Variants in SLC5A4 observed in about 807,000 individuals in gnomAD.
SLC5A4 encodes probable glucose sensor protein SLC5A4.
SLC5A4 carries 55 observed loss-of-function variants against 70.3 expected under a neutral mutation model. The observed-to-expected ratio is 0.78, with a 90% confidence interval of 0.63 to 0.98. The LOEUF (loss-of-function observed/expected upper bound fraction) is 0.98, where lower values mean the gene tolerates loss of function less well. SLC5A4 is among the 50% of genes least tolerant of loss of function. The probability of loss-of-function intolerance (pLI) is 0.00; values close to 1 mark genes in which losing one functional copy is unlikely to be tolerated. For synonymous variants in SLC5A4, 268 were observed against 305.7 expected (o/e 0.88, Z 1.29); for missense variants, 735 against 839.2 (o/e 0.88, Z 1.53).
chr22:32,326,171 G>A, the SLC5A4 span, among the ~76,000 whole-genome samples: 3 of 152,230 alleles, frequency 2.0e-5, no homozygotes, highest in Non-Finnish European at 4.4e-5. Context: ...CCTCATTCCA[G>A]GTGAACTGGA....
chr22:32,350,589 C>T, the SLC5A4 span, among the ~76,000 whole-genome samples: 1 of 152,076 alleles, frequency 6.6e-6, no homozygotes, highest in Non-Finnish European at 1.5e-5. Context: ...CAAATGACTA[C>T]ATGAGGTTAA....
chr22:32,282,717 C>T, the SLC5A4 span, among the ~76,000 whole-genome samples: 2 of 152,224 alleles, frequency 1.3e-5, no homozygotes, highest in African/African-American at 4.8e-5. Context: ...CTGAACTCCT[C>T]ATCTCCTCCC....
the SLC5A4 span, among the ~76,000 whole-genome samples, chr22:32,354,576 G>A: frequency 1.0e-3 from 154 of 151,976 alleles, 1 homozygote; most frequent in East Asian, 4.9e-3. Flanking sequence ...CACGGCCACT[G>A]CATCCCCAGA....
upstream of SLC5A4, among the ~76,000 whole-genome samples, chr22:32,260,126 G>T (rs1218742066): frequency 1.3e-5 from 2 of 152,172 alleles, no homozygotes; most frequent in Non-Finnish European, 2.9e-5. Context: ...TGGGAGAGGG[G>T]TCCCCCTATA....
chr22:32,331,884 T>C, the SLC5A4 span, among the ~76,000 whole-genome samples: 1 of 152,160 alleles, frequency 6.6e-6, no homozygotes, highest in South Asian at 2.1e-4. Context: ...CCCATTGCAG[T>C]GGTCTCTCGG....
the SLC5A4 span, among the ~76,000 whole-genome samples, chr22:32,327,929 A>G: frequency 1.3e-5 from 2 of 152,154 alleles, no homozygotes; most frequent in Non-Finnish European, 2.9e-5. Context: ...GTGGCCCAAG[A>G]TGTTTAACCA....
the SLC5A4 span, among the ~76,000 whole-genome samples, chr22:32,354,173 T>C: frequency 1.4e-5 from 2 of 139,938 alleles, no homozygotes; most frequent in Admixed American, 7.3e-5. Flanking sequence ...CGTCCCTCAA[T>C]AGCGCCCCCA....
chr22:32,300,494 G>A, the SLC5A4 span, among the ~76,000 whole-genome samples: 1 of 152,070 alleles, frequency 6.6e-6, no homozygotes, highest in Non-Finnish European at 1.5e-5. Flanking sequence ...TCCCAAGTGA[G>A]GCAATGCCTC....
the SLC5A4 span, among the ~76,000 whole-genome samples, chr22:32,308,459 G>T: frequency 6.8e-6 from 1 of 148,086 alleles, no homozygotes; most frequent in African/African-American, 2.5e-5. Flanking sequence ...AGCGGCCTGT[G>T]GGGGAGTCAG....
the SLC5A4 span, among the ~76,000 whole-genome samples, chr22:32,282,471 A>G: frequency 6.6e-6 from 1 of 151,676 alleles, no homozygotes; most frequent in Non-Finnish European, 1.5e-5. Context: ...CTTTTTTGTG[A>G]ACTTGACCTT....
chr22:32,219,650 A>G (rs1011856788), intron 14 of SLC5A4, among the ~76,000 whole-genome samples: 2 of 149,100 alleles, frequency 1.3e-5, no homozygotes, highest in Non-Finnish European at 3.0e-5. Flanking sequence ...AAAAAAAAAA[A>G]AAGAATAAAC....
At chr22:32,223,961 C>T (rs1233487236) in intron 13 of SLC5A4, among the ~76,000 whole-genome samples, 2 of 151,986 alleles carry the variant, frequency 1.3e-5, no homozygotes, top group African/African-American at 4.8e-5. Flanking sequence ...CGCTCTGTCA[C>T]CCAGGTTGGA....
At chr22:32,350,279 G>A in the SLC5A4 span, among the ~76,000 whole-genome samples, 2 of 152,122 alleles carry the variant, frequency 1.3e-5, no homozygotes, top group Admixed American at 6.5e-5. Context: ...ATGGATACGC[G>A]GAAGTGCCAC....
the SLC5A4 span, among the ~76,000 whole-genome samples, chr22:32,278,173 C>T: frequency 3.3e-5 from 5 of 152,168 alleles, no homozygotes; most frequent in Admixed American, 1.3e-4. Context: ...AACTAAGTTT[C>T]CAAAAGGGAG....
chr22:32,249,813 AG>A, intron 3 of SLC5A4, among the ~76,000 whole-genome samples: 1 of 152,272 alleles, frequency 6.6e-6, no homozygotes, highest in Non-Finnish European at 1.5e-5. Context: ...GCCTTGTGCT[AG>A]AGCAAACTTG....
upstream of SLC5A4, chr22:32,255,471 TG>T: frequency 1.2e-6 from 1 of 829,146 alleles, no homozygotes; most frequent in South Asian, 1.8e-5. Flanking sequence ...TCTCCAAAGC[TG>T]TGGCACCCCA....
the SLC5A4 span, among the ~76,000 whole-genome samples, chr22:32,315,794 TA>T: frequency 0.17 from 16,232 of 95,906 alleles, 1,089 homozygotes; most frequent in Non-Finnish European, 0.21. Flanking sequence ...CACACTTGCT[TA>T]AAAAAAAAAA....
the SLC5A4 span, among the ~76,000 whole-genome samples, chr22:32,345,373 T>C: frequency 6.6e-6 from 1 of 152,172 alleles, no homozygotes; most frequent in Admixed American, 6.5e-5. Flanking sequence ...AAGTGAATGT[T>C]AGTCAGTGAA....
chr22:32,302,828 A>C, the SLC5A4 span, among the ~76,000 whole-genome samples: 2 of 152,256 alleles, frequency 1.3e-5, no homozygotes, highest in South Asian at 4.1e-4. Context: ...TTTCTGTATA[A>C]ATTTTAGAAT....
Sources: gnomAD v4.1 joint callset for allele counts (sites outside exome capture counted in the v4.1 genomes callset) on GRCh38, gnomAD v4.1.1 for gene constraint, MANE v1.5 for transcripts, NCBI Gene and HGNC (gene_info 2026-07-23, HGNC 2026-07-21) for gene names.